Variants in ATG10 observed in about 807,000 individuals in gnomAD.
ATG10 encodes the protein autophagy related 10, also known as ubiquitin-like-conjugating enzyme ATG10.
In ATG10, 30 loss-of-function variants were observed where a neutral mutation model predicts 32.1. The ratio of observed to expected loss-of-function variants is 0.94; its 90% confidence interval spans 0.70 to 1.27. The LOEUF (loss-of-function observed/expected upper bound fraction) is 1.27, where lower values mean the gene tolerates loss of function less well. Ranked by LOEUF, ATG10 falls within the 50% of genes most tolerant of loss-of-function variation. ATG10 has a pLI of 0.00. For missense variants in ATG10, 233 were observed against 262.3 expected, an observed-to-expected ratio of 0.89 and a Z score of 0.77; for synonymous variants, 87 against 91.5, an observed-to-expected ratio of 0.95 and a Z score of 0.28.
intron 3 of ATG10, among the ~76,000 whole-genome samples, chr5:82,114,447 G>T (rs748016252): frequency 6.6e-6 from 1 of 151,918 alleles, no homozygotes; most frequent in Non-Finnish European, 1.5e-5. Flanking sequence ...CCAATTATTT[G>T]GTTTCCTGCC....
At chr5:82,025,203 C>G (rs1217485922) in intron 2 of ATG10, among the ~76,000 whole-genome samples, 1 of 152,096 alleles carries the variant, frequency 6.6e-6, no homozygotes, top group African/African-American at 2.4e-5. Flanking sequence ...GATACCCGGA[C>G]AAGCAATCAT....
chr5:82,058,469 A>G (rs1303173051), intron 2 of ATG10, 26 bp from the exon 3 acceptor site: 1 of 1,499,942 alleles, frequency 6.7e-7, no homozygotes, highest in Non-Finnish European at 9.3e-7. Context: ...GCATTTTCTT[A>G]TATATTTTTT....
intron 5 of ATG10, among the ~76,000 whole-genome samples, chr5:82,241,924 C>G (rs898212522): frequency 2.0e-5 from 3 of 152,002 alleles, no homozygotes; most frequent in Non-Finnish European, 2.9e-5. Flanking sequence ...AGGTACCAGG[C>G]AGAAGCATAT....
chr5:82,101,167 A>G (rs1765257981), intron 3 of ATG10, among the ~76,000 whole-genome samples: 1 of 152,192 alleles, frequency 6.6e-6, no homozygotes, highest in Admixed American at 6.5e-5. Flanking sequence ...TATACACATA[A>G]GGGTTGTTCT....
chr5:82,079,500 G>A (rs932755023), intron 3 of ATG10, among the ~76,000 whole-genome samples: 43 of 151,940 alleles, frequency 2.8e-4, no homozygotes, highest in Non-Finnish European at 4.3e-4. Flanking sequence ...ATATCTCCTA[G>A]TGCTATCCCT....
chr5:82,043,411 C>T (rs374542071), intron 2 of ATG10, among the ~76,000 whole-genome samples: 1 of 152,176 alleles, frequency 6.6e-6, no homozygotes, highest in African/African-American at 2.4e-5. Context: ...CCCTGAAGAT[C>T]TCTAAAATAC....
intron 5 of ATG10, among the ~76,000 whole-genome samples, chr5:82,222,445 A>G (rs1745966272): frequency 6.6e-6 from 1 of 152,236 alleles, no homozygotes; most frequent in African/African-American, 2.4e-5. Context: ...AATAGATCCT[A>G]GCACATAGTA....
chr5:82,086,473 G>A (rs1764698292), intron 3 of ATG10, among the ~76,000 whole-genome samples: 1 of 152,052 alleles, frequency 6.6e-6, no homozygotes, highest in Non-Finnish European at 1.5e-5. Context: ...GGACTGACAG[G>A]GCATCTCTCT....
chr5:82,216,614 C>T lies in ATG10; in HGVS notation c.454-35948C>T, dbSNP rs146879062. Among the ~76,000 whole-genome samples, 184 of 152,332 alleles carry T rather than the reference C, an allele frequency of 1.2e-3. 5 individuals are homozygous for T. In the East Asian group the frequency reaches 0.017, roughly 14 times the overall value. On this transcript the variant is annotated intron_variant, in intron 5 of 7. Transcript: ENST00000282185. ...GGAGATCAATGACAGACTGGCAACA[C>T]TTCAGCAAAAGCCACTTCTAGATAC...
intron 3 of ATG10, among the ~76,000 whole-genome samples, chr5:82,117,261 T>G (rs1765845662): frequency 6.6e-6 from 1 of 152,112 alleles, no homozygotes; most frequent in South Asian, 2.1e-4. Context: ...GAGCAAAGAA[T>G]TAGGAAATGG....
intron 3 of ATG10, among the ~76,000 whole-genome samples, chr5:82,084,132 C>G (rs1353052543): frequency 6.6e-6 from 1 of 152,096 alleles, no homozygotes; most frequent in Non-Finnish European, 1.5e-5. Context: ...TAGAGAAATC[C>G]TTAAATGACC....
rs141201354 is a variant in ATG10, at chr5:81,992,649, C to A, written c.108+4971C>A. Among the ~76,000 whole-genome samples, 91 of 152,154 alleles carry A rather than the reference C, an allele frequency of 6.0e-4. No homozygotes were observed. In the East Asian group the frequency reaches 0.015, roughly 26 times the overall value. On this transcript the variant is annotated intron_variant, in intron 2 of 7. Transcript: ENST00000282185. ...GAACACCTGACCTTAAGTGATCTACCCGCCTTGGCCTCCCAAAGTGCCGGG... is the reference window on the plus strand; with the variant it reads ...GAACACCTGACCTTAAGTGATCTACACGCCTTGGCCTCCCAAAGTGCCGGG...
At chr5:82,206,240 CTG>C (rs1353061244) in intron 5 of ATG10, among the ~76,000 whole-genome samples, 2 of 152,076 alleles carry the variant, frequency 1.3e-5, no homozygotes, top group African/African-American at 4.8e-5. Flanking sequence ...GAAGGAAAGA[CTG>C]TGAATCAAAT....
rs79194778 is a variant in ATG10, at chr5:82,062,528, A to G, written c.216+3926A>G. On this transcript the variant is annotated intron_variant, in intron 3 of 7. Transcript: ENST00000282185. ...TTCTTACTTCCTGTTTTGGTTGGAT[A>G]TAACAAGCGTACAGTGCTATTATTA... is the stretch of plus-strand genomic sequence containing the variant. Among the ~76,000 whole-genome samples the G allele has an allele frequency of 1.5e-3, 228 of 152,352 alleles. 2 individuals are homozygous for G. In the East Asian group the frequency reaches 0.041, roughly 28 times the overall value.
At chr5:82,072,768 A>G (rs773323406) in intron 3 of ATG10, among the ~76,000 whole-genome samples, 2 of 152,208 alleles carry the variant, frequency 1.3e-5, no homozygotes, top group Non-Finnish European at 2.9e-5. Flanking sequence ...TTTTACATAT[A>G]AGATGATGTA....
At chr5:82,166,798 T>G (rs1272030841) in intron 4 of ATG10, among the ~76,000 whole-genome samples, 1 of 152,202 alleles carries the variant, frequency 6.6e-6, no homozygotes, top group Non-Finnish European at 1.5e-5. Flanking sequence ...AGAGGATGAC[T>G]GTAAAATTTC....
Position 82,093,604 on chromosome 5 carries a change from C to T in ATG10, c.216+35002C>T, listed in dbSNP as rs143478373. ...CCCATTTGTTTATGTATTTCTGAGT[C>T]AGTTTCAATTGATTAATTTTTATCT... On this transcript the variant is annotated intron_variant, in intron 3 of 7. Coordinates refer to ENST00000282185, the MANE Select transcript of ATG10 (RefSeq NM_031482.5). 1.8e-4 allele frequency among the ~76,000 whole-genome samples: 27 copies of T among 151,794 alleles called. No individual in the cohort carries two copies. The East Asian group carries it at 4.6e-3, about 26-fold the overall frequency.
intron 4 of ATG10, 82 bp from the exon 5 acceptor site, chr5:82,178,408 T>C: frequency 1.2e-6 from 1 of 816,502 alleles, no homozygotes; most frequent in South Asian, 1.5e-5. Context: ...GTCATGATAT[T>C]CTTCCAGGAG....
At chr5:81,987,869 T>C (rs1185856680) in intron 2 of ATG10, among the ~76,000 whole-genome samples, 191 bp downstream of exon 2, 1 of 150,906 alleles carries the variant, frequency 6.6e-6, no homozygotes, top group Non-Finnish European at 1.5e-5. Flanking sequence ...TATATATTGA[T>C]TATTATCAGG....
Sources: allele counts gnomAD v4.1 joint callset (sites outside exome capture counted in the v4.1 genomes callset), GRCh38; gene constraint gnomAD v4.1.1; transcripts MANE v1.5; gene names NCBI Gene and HGNC (gene_info 2026-07-23, HGNC 2026-07-21).